Variants in PAPPA2 observed in about 807,000 individuals in gnomAD.
The protein encoded by PAPPA2 is pappalysin-2.
A neutral mutation model predicts 176.4 loss-of-function variants in PAPPA2; 86 were observed. The ratio of observed to expected loss-of-function variants is 0.49; its 90% CI spans 0.41 to 0.58. The LOEUF is 0.58. PAPPA2 is among the 20% of genes least tolerant of loss of function. The pLI, the probability that PAPPA2 is intolerant of heterozygous loss-of-function variation, is 0.00. For missense variants in PAPPA2, 2,073 were observed against 2,256.9 expected, an observed-to-expected ratio of 0.92 and a Z score of 1.65; for synonymous variants, 809 against 852.2, an observed-to-expected ratio of 0.95 and a Z score of 0.88.
chr1:176,464,818 C>T (rs1651539348), intron 1 of PAPPA2, among the ~76,000 whole-genome samples: 1 of 152,104 alleles, frequency 6.6e-6, no homozygotes, highest in Admixed American at 6.5e-5. Flanking sequence ...ATAGAAGTTA[C>T]TGTAGAAAGT....
chr1:176,599,344 T>C lies in PAPPA2; in HGVS notation c.1991+3749T>C, dbSNP rs116040453. 3.1e-3 allele frequency among the ~76,000 whole-genome samples: 472 copies of C among 152,226 alleles called. 1 individual carries two copies. The highest frequency in any genetic ancestry group is 0.01 in the African/African-American group (436 of 41,558). On this transcript the variant is annotated intron_variant, in intron 3 of 22. Coordinates refer to ENST00000367662, the MANE Select transcript of PAPPA2 (RefSeq NM_020318.3). ...GTTGAACACTGTTCAATTTGGACACTTATGCCCCTGGTCTCTGGAAAAATC... is the reference window on the plus strand; with the variant it reads ...GTTGAACACTGTTCAATTTGGACACCTATGCCCCTGGTCTCTGGAAAAATC...
chr1:176,501,103 T>C (rs1239762911), intron 1 of PAPPA2, among the ~76,000 whole-genome samples: 1 of 148,736 alleles, frequency 6.7e-6, no homozygotes, highest in African/African-American at 2.4e-5. Context: ...TAGAATAATA[T>C]GATATATATT....
intron 7 of PAPPA2, among the ~76,000 whole-genome samples, chr1:176,696,237 C>T (rs1268836124): frequency 6.7e-6 from 1 of 150,146 alleles, no homozygotes; most frequent in Non-Finnish European, 1.5e-5. Context: ...ACAGTGTAAG[C>T]TGACCTCTTA....
chr1:176,802,126 C>T (rs1319646249), intron 21 of PAPPA2, among the ~76,000 whole-genome samples: 1 of 152,170 alleles, frequency 6.6e-6, no homozygotes, highest in Non-Finnish European at 1.5e-5. Context: ...GCCCAGCAGA[C>T]TGTTTTAACA....
chr1:176,474,501 A>G (rs966715073), intron 1 of PAPPA2, among the ~76,000 whole-genome samples: 1 of 152,106 alleles, frequency 6.6e-6, no homozygotes, highest in Admixed American at 6.6e-5. Flanking sequence ...GCCATACTCT[A>G]TCAGATATTT....
At chr1:176,541,629 T>A (rs1175239171) in intron 1 of PAPPA2, among the ~76,000 whole-genome samples, 1 of 152,158 alleles carries the variant, frequency 6.6e-6, no homozygotes, top group Non-Finnish European at 1.5e-5. Flanking sequence ...TCCACGTAGA[T>A]GAAAAATGCA....
At chr1:176,711,769 T>G in intron 11 of PAPPA2, 66 bp from the exon 12 acceptor site, 1 of 1,511,402 alleles carries the variant, frequency 6.6e-7, no homozygotes, top group Non-Finnish European at 9.1e-7. Flanking sequence ...AGCTGGAGAG[T>G]TTCATTGTCC....
At chr1:176,572,974 A>T (rs1652437441) in intron 2 of PAPPA2, among the ~76,000 whole-genome samples, 1 of 152,204 alleles carries the variant, frequency 6.6e-6, no homozygotes. Flanking sequence ...TCTGAGAGGG[A>T]TCTCAAAATT....
chr1:176,499,590 C>T (rs1452030100), intron 1 of PAPPA2, among the ~76,000 whole-genome samples: 1 of 152,140 alleles, frequency 6.6e-6, no homozygotes, highest in Non-Finnish European at 1.5e-5. Context: ...CTGAGTTTGA[C>T]TTCTAGCCCA....
At chr1:176,678,858 T>C (rs1184743968) in intron 4 of PAPPA2, among the ~76,000 whole-genome samples, 2 of 152,138 alleles carry the variant, frequency 1.3e-5, no homozygotes, top group Admixed American at 6.6e-5. Context: ...AATGTGTGTA[T>C]GTTAAAAATG....
At position 176,595,458 on chromosome 1, in the gene PAPPA2, C is replaced by T. The variant is rs772938686; in HGVS notation, c.1854C>T (p.Cys618=). Residue 618 remains cysteine, a synonymous_variant, in exon 3 of 23, where the codon TGC becomes TGT. Coordinates refer to ENST00000367662, the MANE Select transcript of PAPPA2 (RefSeq NM_020318.3). ...GTGACTGCCGCCTGCAGGGCCGCTG[C>T]TACTCCTGGAACCGCAGGGATGGGC... ...DGGDCRLQGR[C]YSWNRRDGLC... is the part of the protein sequence containing the mutation. 6.2e-7 allele frequency: 1 copy of T among 1,614,216 alleles called. No individual in the cohort carries two copies.
rs1042258094 is a variant in PAPPA2, at chr1:176,608,231, TATTTG to T, written c.1991+12639_1991+12643del. 4.1e-4 allele frequency among the ~76,000 whole-genome samples: 63 copies of T among 152,352 alleles called. 1 individual carries two copies. The highest frequency in any genetic ancestry group is 6.8e-4 in the Non-Finnish European group (46 of 68,048). ...AAATATTTTACATCAGCTACTCTGA[TATTTG>T]ATATTACTGCTTGCTCTTCCTCACA... On this transcript the variant is annotated intron_variant, in intron 3 of 22. Transcript: ENST00000367662.
intron 12 of PAPPA2, among the ~76,000 whole-genome samples, chr1:176,735,802 A>C (rs1168541445): frequency 6.6e-6 from 1 of 150,900 alleles, no homozygotes; most frequent in Non-Finnish European, 1.5e-5. Flanking sequence ...TCTTTGTTTC[A>C]AAATATTTTG....
chr1:176,783,049 T>C (rs1314139348), intron 17 of PAPPA2, among the ~76,000 whole-genome samples: 2 of 152,146 alleles, frequency 1.3e-5, no homozygotes, highest in African/African-American at 2.4e-5. Flanking sequence ...GTTCCAAGCT[T>C]GAGCAACAGG....
At chr1:176,690,686 A>G in intron 5 of PAPPA2, 1 of 1,274,100 alleles carries the variant, frequency 7.8e-7, no homozygotes, top group Non-Finnish European at 9.9e-7. Context: ...TATCCTCGAT[A>G]GTAAAAAAGG....
chr1:176,793,981 C>T (rs761161436), intron 20 of PAPPA2, among the ~76,000 whole-genome samples: 1 of 152,108 alleles, frequency 6.6e-6, no homozygotes, highest in Non-Finnish European at 1.5e-5. Flanking sequence ...GTAGTCCCAG[C>T]TACTTGGGAG....
intron 3 of PAPPA2, among the ~76,000 whole-genome samples, chr1:176,668,074 G>A (rs1386267050): frequency 1.3e-5 from 2 of 152,278 alleles, no homozygotes; most frequent in South Asian, 2.1e-4. Flanking sequence ...ACTAGTAGGT[G>A]ATGGTCATAG....
intron 2 of PAPPA2, among the ~76,000 whole-genome samples, chr1:176,568,826 T>C (rs1652141191): frequency 6.6e-6 from 1 of 152,188 alleles, no homozygotes; most frequent in Non-Finnish European, 1.5e-5. Context: ...ATTCTGACTG[T>C]CTCTAACCCG....
intron 9 of PAPPA2, 39 bp downstream of exon 9, chr1:176,702,774 T>TGTGTGA: frequency 7.0e-7 from 1 of 1,435,524 alleles, no homozygotes; most frequent in Admixed American, 1.8e-5. Context: ...TGTGTGTGTG[T>TGTGTGA]GTGAGAGAGA....
Sources: allele counts gnomAD v4.1 joint callset (sites outside exome capture counted in the v4.1 genomes callset), GRCh38; gene constraint gnomAD v4.1.1; transcripts MANE v1.5; gene names NCBI Gene and HGNC (gene_info 2026-07-23, HGNC 2026-07-21).